Variants in PAK5 observed in about 807,000 individuals in gnomAD.
The protein encoded by PAK5 is p21 (RAC1) activated kinase 5.
Under a neutral mutation model 65.9 loss-of-function variants are expected in PAK5, and 16 were observed. The observed-to-expected ratio is 0.24, with a 90% CI of 0.16 to 0.37. The LOEUF is 0.37. PAK5 is among the 10% of genes least tolerant of loss of function. PAK5 has a pLI of 1.00. For synonymous variants in PAK5, 371 were observed against 354.9 expected (o/e 1.05, Z -0.51); for missense variants, 785 against 903.9 (o/e 0.87, Z 1.69).
intron 1 of PAK5, among the ~76,000 whole-genome samples, chr20:9,790,183 C>A (rs992569385): frequency 2.0e-5 from 3 of 152,114 alleles, no homozygotes; most frequent in Non-Finnish European, 2.9e-5. Context: ...GAAGTTCCTG[C>A]AATCTACTGC....
rs973136256 is a variant in PAK5 at position 9,770,251 on chromosome 20, C to G, written c.-161-58816G>C. Among the ~76,000 whole-genome samples the G allele has an allele frequency of 2.0e-5, 3 of 151,966 alleles. No homozygotes were observed. The East Asian group carries it at 5.8e-4, about 29-fold the overall frequency. ...AAGAAATGTAGGCAGAGAACATGAG[C>G]GCAGATGAGTGCAGATGTGCGGTTG... On this transcript the variant is annotated intron_variant, in intron 1 of 9. Transcript: ENST00000353224.
chr20:9,583,922 A>G (rs1207322561), intron 3 of PAK5, among the ~76,000 whole-genome samples: 2 of 152,210 alleles, frequency 1.3e-5, no homozygotes, highest in Non-Finnish European at 2.9e-5. Flanking sequence ...TAATATAGTC[A>G]GTGTTCATAA....
At chr20:9,569,278 G>C (rs912705719) in intron 4 of PAK5, among the ~76,000 whole-genome samples, 2 of 152,190 alleles carry the variant, frequency 1.3e-5, no homozygotes, top group African/African-American at 4.8e-5. Flanking sequence ...GTTTGGGAGA[G>C]TGATTAGACA....
At chr20:9,661,415 T>C (rs1417611536) in intron 2 of PAK5, among the ~76,000 whole-genome samples, 1 of 152,100 alleles carries the variant, frequency 6.6e-6, no homozygotes, top group Non-Finnish European at 1.5e-5. Context: ...ACAATTGTTT[T>C]TTTCTTCCTT....
At chr20:9,815,947 A>T (rs959489138) in intron 1 of PAK5, among the ~76,000 whole-genome samples, 1 of 152,180 alleles carries the variant, frequency 6.6e-6, no homozygotes, top group African/African-American at 2.4e-5. Flanking sequence ...CAGAAATTAC[A>T]TGCACCATTC....
intron 7 of PAK5, among the ~76,000 whole-genome samples, chr20:9,556,453 TG>T (rs774346483): frequency 1.3e-5 from 2 of 152,230 alleles, no homozygotes; most frequent in Non-Finnish European, 2.9e-5. Flanking sequence ...GGGCAATTTC[TG>T]ATATGACATG....
chr20:9,732,626 T>A (rs1325729167), intron 1 of PAK5, among the ~76,000 whole-genome samples: 2 of 140,494 alleles, frequency 1.4e-5, no homozygotes, highest in African/African-American at 2.6e-5. Context: ...TAATTCCACT[T>A]GGTACATACA....
chr20:9,693,978 A>T (rs188469359), intron 2 of PAK5, among the ~76,000 whole-genome samples: 9 of 151,482 alleles, frequency 5.9e-5, no homozygotes, highest in Non-Finnish European at 1.3e-4. Flanking sequence ...GAACCTGCCT[A>T]TCATCAAGGT....
intron 2 of PAK5, among the ~76,000 whole-genome samples, chr20:9,702,616 G>C (rs1461223951): frequency 6.6e-6 from 1 of 151,998 alleles, no homozygotes. Context: ...ACCTATAAAG[G>C]GCCCGTGATA....
At chr20:9,562,411 C>T (rs1460046217) in intron 6 of PAK5, among the ~76,000 whole-genome samples, 1 of 152,178 alleles carries the variant, frequency 6.6e-6, no homozygotes, top group Non-Finnish European at 1.5e-5. Context: ...AATTAACCAT[C>T]GTTACTTGCA....
At chr20:9,579,965 T>C (rs1176876598) in intron 4 of PAK5, among the ~76,000 whole-genome samples, 180 bp downstream of exon 4, 1 of 152,240 alleles carries the variant, frequency 6.6e-6, no homozygotes, top group East Asian at 1.9e-4. Context: ...TGAATATATA[T>C]GCCTTATCCT....
chr20:9,781,407 G>T (rs78653452), intron 1 of PAK5, among the ~76,000 whole-genome samples: 2,138 of 152,240 alleles, frequency 0.014, 76 homozygotes, highest in East Asian at 0.14. Flanking sequence ...GTGTTTGCCT[G>T]GTCTGGAGCC....
intron 2 of PAK5, among the ~76,000 whole-genome samples, chr20:9,648,616 T>G (rs959561943): frequency 3.3e-5 from 5 of 152,176 alleles, no homozygotes; most frequent in African/African-American, 1.2e-4. Flanking sequence ...ATATGCATCC[T>G]GAAGCCTACT....
At chr20:9,596,387 A>T (rs1486837110) in intron 3 of PAK5, among the ~76,000 whole-genome samples, 2 of 152,196 alleles carry the variant, frequency 1.3e-5, no homozygotes, top group African/African-American at 4.8e-5. Flanking sequence ...CTGTAATCCC[A>T]GCACTTTGGG....
intron 1 of PAK5, among the ~76,000 whole-genome samples, chr20:9,834,230 A>G (rs943131521): frequency 3.3e-5 from 5 of 152,220 alleles, no homozygotes; most frequent in Non-Finnish European, 5.9e-5. Flanking sequence ...TCTGAAATTG[A>G]AGCCACTTTA....
At chr20:9,683,878 G>A (rs1335016374) in intron 2 of PAK5, among the ~76,000 whole-genome samples, 1 of 152,134 alleles carries the variant, frequency 6.6e-6, no homozygotes, top group Non-Finnish European at 1.5e-5. Flanking sequence ...ACTGAGTGAG[G>A]CCAGTGAAAT....
At chr20:9,547,041 T>A (rs1162842386) in intron 7 of PAK5, among the ~76,000 whole-genome samples, 1 of 152,128 alleles carries the variant, frequency 6.6e-6, no homozygotes, top group African/African-American at 2.4e-5. Flanking sequence ...GGTGAGGTCA[T>A]ATTGGATTGG....
At chr20:9,833,145 G>C (rs2123791692) in intron 1 of PAK5, among the ~76,000 whole-genome samples, 1 of 152,204 alleles carries the variant, frequency 6.6e-6, no homozygotes, top group Middle Eastern at 3.4e-3. Flanking sequence ...CATTTGGAGG[G>C]TCATGTAAAC....
intron 2 of PAK5, among the ~76,000 whole-genome samples, chr20:9,671,839 C>A (rs2047502787): frequency 6.6e-6 from 1 of 152,090 alleles, no homozygotes; most frequent in South Asian, 2.1e-4. Context: ...GAGAGGGCAT[C>A]CCTGTCTTGT....
Sources: gnomAD v4.1 joint callset for allele counts (sites outside exome capture counted in the v4.1 genomes callset) on GRCh38, gnomAD v4.1.1 for gene constraint, MANE v1.5 for transcripts, NCBI Gene and HGNC (gene_info 2026-07-23, HGNC 2026-07-21) for gene names.